Variants in FAT3 observed in about 807,000 individuals in gnomAD.
FAT3 encodes the protein protocadherin Fat 3.
In FAT3, 95 loss-of-function variants were observed where a neutral mutation model predicts 310.2. The ratio of observed to expected loss-of-function variants is 0.31; its 90% confidence interval spans 0.26 to 0.36. FAT3 has a LOEUF of 0.36. Among genes scored for constraint, FAT3 ranks in the 10% least tolerant of loss-of-function variants. FAT3 has a pLI of 1.00. For missense variants in FAT3, 5,408 were observed against 5,715.6 expected, an observed-to-expected ratio of 0.95 and a Z score of 1.74; for synonymous variants, 2,314 against 2,192.9, an observed-to-expected ratio of 1.06 and a Z score of -1.54.
chr11:92,857,155 C>T (rs931718740), intron 19 of FAT3, 59 bp from the exon 20 acceptor site: 22 of 1,612,188 alleles, frequency 1.4e-5, no homozygotes, highest in Non-Finnish European at 1.9e-5. Context: ...TCTATCTTCC[C>T]TGGAGTGCAG....
At chr11:92,779,264 G>C (rs1380162700) in intron 7 of FAT3, among the ~76,000 whole-genome samples, 1 of 152,094 alleles carries the variant, frequency 6.6e-6, no homozygotes, top group Non-Finnish European at 1.5e-5. Flanking sequence ...GCCATTTTAA[G>C]AGGAATTCTA....
Position 92,801,390 on chromosome 11 carries a change from G to C in FAT3, c.8377G>C (p.Asp2793His). 1 of 1,613,922 alleles carries C rather than the reference G, an allele frequency of 6.2e-7. No homozygotes were observed. The highest frequency in any genetic ancestry group is 8.5e-7 in the Non-Finnish European group (1 of 1,179,844). The change falls in exon 10 of 28, where the codon GAC (aspartate) becomes CAC (histidine). Residue 2793 changes from aspartate to histidine, a missense_variant. Physicochemically the swap from Asp to His is moderately conservative, Grantham distance 81. Around this residue, in one of 5 missense-constraint regions of FAT3, gnomAD observed 4,588 missense variants for 4,809.8 expected, o/e 0.95. Coordinates refer to ENST00000525166, the MANE Select transcript of FAT3 (RefSeq NM_001367949.2). ...VAATIPLDKV[D>H]IVFTVDVDIK... ...AGCCACTATACCCCTGGACAAAGTA[G>C]ACATTGTGTTTACTGTGGATGTAGA...
chr11:92,428,514 G>A (rs1230143345), intron 2 of FAT3, among the ~76,000 whole-genome samples: 3 of 152,034 alleles, frequency 2.0e-5, no homozygotes, highest in African/African-American at 4.8e-5. Context: ...TCTCCTGTGG[G>A]CATTTAGTGC....
intron 3 of FAT3, among the ~76,000 whole-genome samples, chr11:92,581,045 C>T (rs532569322): frequency 2.2e-4 from 34 of 152,164 alleles, no homozygotes; most frequent in African/African-American, 8.2e-4. Context: ...ATTGCCTGAG[C>T]TGGACAGCTG....
intron 2 of FAT3, among the ~76,000 whole-genome samples, chr11:92,433,243 G>C (rs1167373484): frequency 6.6e-6 from 1 of 152,096 alleles, no homozygotes; most frequent in African/African-American, 2.4e-5. Context: ...GGGAGTGAAC[G>C]GTTCTGTCTC....
In FAT3 at chr11:92,765,083, A is replaced by T. The variant is rs755118099; in HGVS notation, c.4189A>T (p.Ile1397Leu). 2 of 1,612,994 alleles carry T rather than the reference A, an allele frequency of 1.2e-6. No homozygotes were observed. The highest frequency in any genetic ancestry group is 1.3e-5 in the African/African-American group (1 of 74,772). Residue 1397 changes from isoleucine (I) to leucine (L), a missense_variant, in exon 6 of 28, where the codon ATA (isoleucine) becomes TTA (leucine). Transcript: ENST00000525166. The stretch of plus-strand genomic sequence containing the variant: ...AGCTAACACCCCTCTGTGGTTTGAC[A>T]TAGTTGGTAAGTTCGAGTCTTACAG... ...QPANTPLWFD[I>L]VGGNFDSAFD...
intron 3 of FAT3, among the ~76,000 whole-genome samples, chr11:92,591,952 A>G (rs1939445713): frequency 6.6e-6 from 1 of 152,232 alleles, no homozygotes; most frequent in Non-Finnish European, 1.5e-5. Context: ...TAGTGGATAC[A>G]TGACTTTGTG....
At chr11:92,384,281 A>G (rs1187057538) in intron 2 of FAT3, among the ~76,000 whole-genome samples, 3 of 152,180 alleles carry the variant, frequency 2.0e-5, no homozygotes, top group South Asian at 2.1e-4. Context: ...CACTACTGCT[A>G]AGAAGCCTTA....
intron 3 of FAT3, among the ~76,000 whole-genome samples, chr11:92,583,840 C>A (rs1938975586): frequency 6.6e-6 from 1 of 151,994 alleles, no homozygotes; most frequent in South Asian, 2.1e-4. Flanking sequence ...GCTGACTCTA[C>A]TCGCCTGCAG....
intron 19 of FAT3, among the ~76,000 whole-genome samples, chr11:92,850,842 C>G (rs1173891907): frequency 2.0e-5 from 3 of 152,118 alleles, no homozygotes; most frequent in Non-Finnish European, 2.9e-5. Context: ...GGTAGCGAAA[C>G]CTTATAAAAC....
chr11:92,886,054 G>A (rs192833745), intron 24 of FAT3, among the ~76,000 whole-genome samples: 17 of 152,248 alleles, frequency 1.1e-4, no homozygotes, highest in South Asian at 4.2e-4. Flanking sequence ...GTACCATTGC[G>A]TTACATGATG....
chr11:92,480,402 C>T (rs1238552505), intron 2 of FAT3, among the ~76,000 whole-genome samples: 1 of 152,150 alleles, frequency 6.6e-6, no homozygotes, highest in East Asian at 1.9e-4. Flanking sequence ...ATGGAAGAAA[C>T]ATATACCAGA....
chr11:92,673,161 T>C (rs1278125138), intron 3 of FAT3, among the ~76,000 whole-genome samples: 1 of 152,228 alleles, frequency 6.6e-6, no homozygotes, highest in Non-Finnish European at 1.5e-5. Context: ...ATTTTTCATA[T>C]TGATTTTAAA....
chr11:92,759,908 T>C (rs1300686604), intron 4 of FAT3, among the ~76,000 whole-genome samples: 2 of 152,062 alleles, frequency 1.3e-5, no homozygotes, highest in East Asian at 3.9e-4. Context: ...GGAGGTGATT[T>C]TGTGCACGAT....
chr11:92,548,038 T>C (rs1279754802), intron 3 of FAT3, among the ~76,000 whole-genome samples: 1 of 152,198 alleles, frequency 6.6e-6, no homozygotes, highest in African/African-American at 2.4e-5. Context: ...ACTTGATTTA[T>C]AGAATATTTG....
In FAT3 at chr11:92,731,119, C is replaced by A. The variant is rs530094089; in HGVS notation, c.3670-30737C>A. 1.4e-3 allele frequency among the ~76,000 whole-genome samples: 216 copies of A among 152,304 alleles called. 6 individuals carry two copies. Among genetic ancestry groups the A allele is most frequent in the Middle Eastern group, 3.4e-3 (1 of 294 alleles). The stretch of plus-strand genomic sequence containing the variant: ...CCTTCAGTCCAACACCCTTTATCCT[C>A]CTCCTAAAGCTCAGCATTTTGCTAT... On this transcript the variant is annotated intron_variant, in intron 4 of 27. Coordinates refer to ENST00000525166, the MANE Select transcript of FAT3 (RefSeq NM_001367949.2).
intron 1 of FAT3, among the ~76,000 whole-genome samples, chr11:92,340,194 T>A (rs1202908310): frequency 6.6e-6 from 1 of 151,996 alleles, no homozygotes; most frequent in Non-Finnish European, 1.5e-5. Flanking sequence ...TGGTCTTTAT[T>A]ATCCTGAAAG....
chr11:92,569,211 T>C (rs926661221), intron 3 of FAT3, among the ~76,000 whole-genome samples: 7 of 152,202 alleles, frequency 4.6e-5, no homozygotes, highest in Non-Finnish European at 8.8e-5. Context: ...CGTGATCTTA[T>C]GTTACTTAAC....
At chr11:92,433,688 CCCAGGAATCGAAAAG>C (rs1234718883) in intron 2 of FAT3, among the ~76,000 whole-genome samples, 1 of 152,058 alleles carries the variant, frequency 6.6e-6, no homozygotes, top group Admixed American at 6.6e-5. Flanking sequence ...GGCCATCTTG[CCCAGGAATCGAAAAG>C]CCACTTCTTA....
Sources: gnomAD v4.1 joint callset for allele counts (sites outside exome capture counted in the v4.1 genomes callset) on GRCh38, gnomAD v4.1.1 for gene constraint, gnomAD v4.1.1 regional missense constraint, MANE v1.5 for transcripts, NCBI Gene and HGNC (gene_info 2026-07-23, HGNC 2026-07-21) for gene names.